TOPAZ1: variants seen among roughly 807,000 people sequenced by gnomAD.
TOPAZ1 encodes the protein protein TOPAZ1.
Under a neutral mutation model 172.2 loss-of-function variants are expected in TOPAZ1, and 66 were observed. The ratio of observed to expected loss-of-function variants is 0.38; its 90% CI spans 0.31 to 0.47. The LOEUF is 0.47. Ranked by LOEUF, TOPAZ1 falls within the 20% of genes least tolerant of loss-of-function variation. TOPAZ1 has a pLI of 0.99. For missense variants in TOPAZ1, 1,822 were observed against 1,972.4 expected, an observed-to-expected ratio of 0.92 and a Z score of 1.44; for synonymous variants, 681 against 683.9, an observed-to-expected ratio of 1.00 and a Z score of 0.07.
At chr3:44,278,258 T>A (rs1436150166) in intron 8 of TOPAZ1, among the ~76,000 whole-genome samples, 5 of 152,174 alleles carry the variant, frequency 3.3e-5, no homozygotes, top group Non-Finnish European at 5.9e-5. Flanking sequence ...TTTTTTTATG[T>A]GCTGCTAGAT....
At chr3:44,263,628 T>C (rs1699798669) in intron 5 of TOPAZ1, among the ~76,000 whole-genome samples, 1 of 152,192 alleles carries the variant, frequency 6.6e-6, no homozygotes, top group African/African-American at 2.4e-5. Context: ...CCAATGATAC[T>C]AAATTTCAAC....
chr3:44,314,959 C>T (rs577166499), intron 16 of TOPAZ1, among the ~76,000 whole-genome samples: 2 of 152,324 alleles, frequency 1.3e-5, no homozygotes, highest in African/African-American at 4.8e-5. Flanking sequence ...CTAAACCATA[C>T]CCCCTCAAGT....
At chr3:44,259,425 C>A (rs1045129833) in intron 4 of TOPAZ1, among the ~76,000 whole-genome samples, 1 of 152,150 alleles carries the variant, frequency 6.6e-6, no homozygotes, top group Non-Finnish European at 1.5e-5. Flanking sequence ...GCGTACTGTT[C>A]TTTACCTTGC....
At chr3:44,280,069 A>G (rs1274692932) in intron 8 of TOPAZ1, among the ~76,000 whole-genome samples, 1 of 152,106 alleles carries the variant, frequency 6.6e-6, no homozygotes, top group Non-Finnish European at 1.5e-5. Context: ...AGTGGTGATG[A>G]ACTCCCTCAG....
downstream of TOPAZ1, among the ~76,000 whole-genome samples, chr3:44,335,824 T>A (rs549589961): frequency 4.6e-5 from 7 of 152,222 alleles, no homozygotes; most frequent in Admixed American, 1.3e-4. Context: ...AGACTGTTCC[T>A]GAGTTCCCTT....
chr3:44,311,038 G>T (rs954743013), intron 16 of TOPAZ1, among the ~76,000 whole-genome samples: 1 of 152,132 alleles, frequency 6.6e-6, no homozygotes, highest in African/African-American at 2.4e-5. Flanking sequence ...AAACCTCAAG[G>T]ATCTCAGGAG....
chr3:44,250,244 A>C (rs1490323297), intron 2 of TOPAZ1, among the ~76,000 whole-genome samples: 1 of 21,224 alleles, frequency 4.7e-5, no homozygotes, highest in Non-Finnish European at 1.3e-4. Context: ...ATGAAATGAC[A>C]AAAAAAAAAA....
At chr3:44,300,268 A>G (rs978970194) in intron 12 of TOPAZ1, among the ~76,000 whole-genome samples, 8 of 152,078 alleles carry the variant, frequency 5.3e-5, no homozygotes, top group African/African-American at 1.9e-4. Flanking sequence ...CCCCATCTCT[A>G]CTAAAAATAA....
At chr3:44,283,417 C>T (rs2125691467) in intron 9 of TOPAZ1, among the ~76,000 whole-genome samples, 1 of 152,116 alleles carries the variant, frequency 6.6e-6, no homozygotes, top group East Asian at 1.9e-4. Flanking sequence ...CTCTGAATAC[C>T]ACTGGTATAA....
At chr3:44,295,417 A>G (rs1700184461) in intron 12 of TOPAZ1, among the ~76,000 whole-genome samples, 1 of 152,150 alleles carries the variant, frequency 6.6e-6, no homozygotes, top group African/African-American at 2.4e-5. Flanking sequence ...ATATCCATAT[A>G]CTGTTTGTGT....
At chr3:44,283,883 G>A (rs1700050876) in intron 9 of TOPAZ1, among the ~76,000 whole-genome samples, 2 of 152,178 alleles carry the variant, frequency 1.3e-5, no homozygotes, top group Admixed American at 1.3e-4. Flanking sequence ...TATAACCATG[G>A]TACATTTATC....
At chr3:44,323,769 C>G (rs1700567284) in intron 18 of TOPAZ1, among the ~76,000 whole-genome samples, 1 of 152,166 alleles carries the variant, frequency 6.6e-6, no homozygotes, top group Admixed American at 6.6e-5. Flanking sequence ...TTTCACATGG[C>G]TTTTAGTAAT....
intron 2 of TOPAZ1, among the ~76,000 whole-genome samples, chr3:44,253,726 A>T (rs1291166104): frequency 6.6e-6 from 1 of 152,150 alleles, no homozygotes; most frequent in Non-Finnish European, 1.5e-5. Flanking sequence ...TTTAAACTAT[A>T]CTTCTCATTG....
chr3:44,272,511 T>C (rs1019491169), intron 8 of TOPAZ1, among the ~76,000 whole-genome samples: 1 of 152,200 alleles, frequency 6.6e-6, no homozygotes, highest in African/African-American at 2.4e-5. Context: ...TTGAGCCTTT[T>C]TTCGTACATT....
intron 8 of TOPAZ1, among the ~76,000 whole-genome samples, chr3:44,280,085 G>C (rs990398070): frequency 6.6e-6 from 1 of 152,042 alleles, no homozygotes; most frequent in African/African-American, 2.4e-5. Context: ...CTCAGCTTTT[G>C]CTTGTCTGGG....
intron 11 of TOPAZ1, among the ~76,000 whole-genome samples, chr3:44,288,763 G>A (rs1303558300): frequency 6.6e-6 from 1 of 152,154 alleles, no homozygotes; most frequent in Admixed American, 6.5e-5. Flanking sequence ...GAATAACTTG[G>A]CTTTCTGCAA....
intron 15 of TOPAZ1, among the ~76,000 whole-genome samples, chr3:44,308,183 G>A (rs906241299): frequency 1.3e-5 from 2 of 152,028 alleles, no homozygotes; most frequent in Non-Finnish European, 2.9e-5. Flanking sequence ...GCTTGAACCC[G>A]GGAGGCGGAG....
At chr3:44,270,402 AAC>A (rs1178712987) in intron 7 of TOPAZ1, among the ~76,000 whole-genome samples, 1 of 152,142 alleles carries the variant, frequency 6.6e-6, no homozygotes, top group African/African-American at 2.4e-5. Context: ...CTCCAGAAAA[AAC>A]AGTCTTAAAA....
Position 44,320,326 on chromosome 3 carries a change from A to G in TOPAZ1, c.4307-701A>G, listed in dbSNP as rs150650959. On this transcript the variant is annotated intron_variant, in intron 16 of 19. Transcript: ENST00000309765. ...GAAAAGCTATTCGCTGGTCGGGCGC[A>G]GTGGCTCATGCCTGTAATCCCAGCA... Among the ~76,000 whole-genome samples the G allele has an allele frequency of 5.8e-3, 887 of 152,308 alleles. 3 individuals are homozygous for G. The highest frequency in any genetic ancestry group is 0.017 in the African/African-American group (710 of 41,566).
Sources: allele counts gnomAD v4.1 joint callset (sites outside exome capture counted in the v4.1 genomes callset), GRCh38; gene constraint gnomAD v4.1.1; transcripts MANE v1.5; gene names NCBI Gene and HGNC (gene_info 2026-07-23, HGNC 2026-07-21).